Variants in TTK observed in about 807,000 individuals in gnomAD.
TTK encodes TTK protein kinase, also known as dual specificity protein kinase TTK.
A neutral mutation model predicts 117.3 loss-of-function variants in TTK; 59 were observed. The ratio of observed to expected loss-of-function variants is 0.50; its 90% confidence interval spans 0.41 to 0.62. The LOEUF (loss-of-function observed/expected upper bound fraction) is 0.62, where lower values mean the gene tolerates loss of function less well. TTK is among the 20% of genes least tolerant of loss of function. TTK has a pLI of 0.00. For synonymous variants in TTK, 302 were observed against 325.0 expected (o/e 0.93, Z 0.76); for missense variants, 921 against 989.4 (o/e 0.93, Z 0.93).
chr6:80,007,898 G>A lies in TTK; in HGVS notation c.229G>A (p.Val77Ile). 1 of 1,613,580 alleles carries A rather than the reference G, an allele frequency of 6.2e-7. No homozygotes were observed. Among genetic ancestry groups the A allele is most frequent in the Non-Finnish European group, 8.5e-7 (1 of 1,179,652 alleles). Residue 77 changes from valine to isoleucine, a missense_variant, in exon 3 of 22, where the codon GTT becomes ATT. Val to Ile is a conservative substitution (Grantham distance 29). Coordinates refer to ENST00000369798, the MANE Select transcript of TTK (RefSeq NM_003318.5). Reference protein sequence around the residue: ...SLLLKLEKNSVPLSDALLNKL... With the variant: ...SLLLKLEKNSIPLSDALLNKL... ...GTTGCTCAAACTAGAGAAAAACAGT[G>A]TTCCGCTAAGTGATGCTCTTTTAAA... is the stretch of plus-strand genomic sequence containing the variant.
chr6:80,039,993 T>C, intron 19 of TTK, 121 bp downstream of exon 19: 1 of 1,055,822 alleles, frequency 9.5e-7, no homozygotes. Context: ...GAATTAGTTT[T>C]TTTACTTTGA....
In TTK at chr6:80,013,385, A is replaced by G. The variant is rs1403318419; in HGVS notation, c.984+19A>G. 3 of 1,567,640 alleles carry G rather than the reference A, an allele frequency of 1.9e-6. No individual in the cohort carries two copies. In the South Asian group the frequency reaches 3.5e-5, roughly 18 times the overall value. ...TTTAAAGGTATTTTAATTCTATATC[A>G]TTATATAAAGCAAGGGTTCCTGATC... On this transcript the variant is annotated intron_variant, in intron 9 of 21. Coordinates refer to ENST00000369798, the MANE Select transcript of TTK (RefSeq NM_003318.5).
intron 10 of TTK, among the ~76,000 whole-genome samples, chr6:80,016,985 GTGT>G (rs569127972): frequency 1.6e-4 from 24 of 152,212 alleles, no homozygotes; most frequent in Non-Finnish European, 2.8e-4. Flanking sequence ...CAAAAAGCAA[GTGT>G]TGTCTCCAGT....
Position 80,028,030 on chromosome 6 carries a change from A to T in TTK, c.1521+19A>T, listed in dbSNP as rs200105879. 1 of 1,577,962 alleles carries T rather than the reference A, an allele frequency of 6.3e-7. No individual in the cohort carries two copies. Among genetic ancestry groups the T allele is most frequent in the Non-Finnish European group, 8.6e-7 (1 of 1,164,318 alleles). On this transcript the variant is annotated intron_variant, in intron 13 of 21. Transcript: ENST00000369798. ...TTTACAGGTTCGATAAGCTTTATAT[A>T]TGATGGTATATGTTAAGATACAGTC... is the stretch of plus-strand genomic sequence containing the variant.
In TTK at chr6:80,010,898, G is replaced by A. The variant is rs151265706; in HGVS notation, c.554G>A (p.Arg185Gln). Residue 185 changes from arginine (R) to glutamine (Q), a missense_variant, in exon 5 of 22, where the codon CGG (arginine) becomes CAG (glutamine). Arg to Gln is a conservative substitution (Grantham distance 43). Coordinates refer to ENST00000369798, the MANE Select transcript of TTK (RefSeq NM_003318.5). ...CTAGAAATGCTGGAAATTGCCCTGC[G>A]GAATTTAAACCTCCAAAAAAAGCAG... ...VPLEMLEIAL[R>Q]NLNLQKKQLL... The A allele has an allele frequency of 9.3e-6, 15 of 1,611,682 alleles. No individual in the cohort carries two copies. In the African/African-American group the frequency reaches 1.1e-4, roughly 11 times the overall value.
intron 10 of TTK, among the ~76,000 whole-genome samples, chr6:80,017,346 C>T (rs1361604708): frequency 6.6e-6 from 1 of 152,174 alleles, no homozygotes; most frequent in Non-Finnish European, 1.5e-5. Flanking sequence ...GGTGCAATCA[C>T]AGCTCATTGC....
chr6:80,004,783 AGC>A (rs1766942060), intron 1 of TTK, 70 bp downstream of exon 1: 1 of 145,426 alleles, frequency 6.9e-6, no homozygotes, highest in Non-Finnish European at 1.5e-5. Context: ...GCTCATTGTT[AGC>A]GCTGGTCGGT....
At chr6:80,008,156 G>A in intron 3 of TTK, 125 bp downstream of exon 3, 1 of 1,213,800 alleles carries the variant, frequency 8.2e-7, no homozygotes, top group Non-Finnish European at 1.1e-6. Context: ...AAATACTTTT[G>A]CTTATAGTTA....
intron 14 of TTK, among the ~76,000 whole-genome samples, chr6:80,032,291 G>A (rs1225929603): frequency 6.6e-6 from 1 of 151,866 alleles, no homozygotes; most frequent in African/African-American, 2.4e-5. Context: ...TCCGCACTTG[G>A]TTTGTGTTTT....
intron 11 of TTK, among the ~76,000 whole-genome samples, chr6:80,024,643 T>G (rs1046549307): frequency 1.3e-5 from 2 of 152,156 alleles, no homozygotes; most frequent in Admixed American, 6.6e-5. Context: ...AGTTTTCTTT[T>G]TAGAAGACGA....
intron 14 of TTK, 132 bp from the exon 15 acceptor site, chr6:80,034,853 C>T: frequency 1.4e-6 from 1 of 739,064 alleles, no homozygotes; most frequent in Non-Finnish European, 1.9e-6. Context: ...CAAAATAGGC[C>T]CAGAAACTTT....
Position 80,007,991 on chromosome 6 carries a change from AGTTTT to A in TTK, c.324_328del (p.Phe109Ter). 4.1e-4 allele frequency: 644 copies of A among 1,587,868 alleles called. No homozygotes were observed. The highest frequency in any genetic ancestry group is 5.0e-4 in the Non-Finnish European group (583 of 1,156,570). On this transcript the variant is annotated frameshift_variant, in exon 3 of 22. Coordinates refer to ENST00000369798, the MANE Select transcript of TTK (RefSeq NM_003318.5). LOFTEE classifies it high-confidence loss of function. ...CCCAGATAAATATGGCCAAAATGAGAGTTTTGCTAGAATTCAAGTGAGATTTGCTG... is the reference window on the plus strand; with the variant it reads ...CCCAGATAAATATGGCCAAAATGAGAGCTAGAATTCAAGTGAGATTTGCTG...
chr6:80,016,189 G>A (rs1318144802), intron 10 of TTK, among the ~76,000 whole-genome samples: 3 of 152,204 alleles, frequency 2.0e-5, no homozygotes, highest in East Asian at 3.9e-4. Flanking sequence ...GAATATTTTG[G>A]TGTCTTTTGA....
intron 12 of TTK, among the ~76,000 whole-genome samples, chr6:80,027,123 G>A (rs779398710): frequency 2.6e-5 from 4 of 152,128 alleles, no homozygotes; most frequent in African/African-American, 4.8e-5. Context: ...CCATCAACCG[G>A]TGGCTATATC....
chr6:80,037,677 A>G (rs1767940753), intron 17 of TTK: 3 of 167,124 alleles, frequency 1.8e-5, no homozygotes, highest in East Asian at 3.2e-4. Context: ...AAAGCACAGC[A>G]TTCTGAAAGG....
chr6:80,035,239 T>A, intron 15 of TTK, 27 bp from the exon 16 acceptor site: 1 of 1,563,768 alleles, frequency 6.4e-7, no homozygotes, highest in Non-Finnish European at 8.6e-7. Context: ...ATTTATTGTT[T>A]TGTTGCTTTT....
At chr6:80,008,300 G>A (rs1767049564) in intron 3 of TTK, 86 bp from the exon 4 acceptor site, 2 of 1,352,228 alleles carry the variant, frequency 1.5e-6, no homozygotes, top group South Asian at 2.7e-5. Flanking sequence ...AATATCCCAT[G>A]TTTTTTGGAA....
At position 80,014,514 on chromosome 6, in the gene TTK, T is replaced by A; in HGVS notation, c.1036T>A (p.Ser346Thr). The change falls in exon 10 of 22, where the codon TCT becomes ACT. Residue 346 changes from serine to threonine, a missense_variant. Ser to Thr is a moderately conservative substitution (Grantham distance 58, BLOSUM62 1). Coordinates refer to ENST00000369798, the MANE Select transcript of TTK (RefSeq NM_003318.5). ...KEPLVSDEKS[S>T]ELIITDSITL... The stretch of plus-strand genomic sequence containing the variant: ...ACCTCTGGTGTCAGATGAAAAGAGT[T>A]CTGAACTTATTATTACTGATTCAAT... 6.2e-7 allele frequency: 1 copy of A among 1,610,418 alleles called. No individual in the cohort carries two copies. The highest frequency in any genetic ancestry group is 8.5e-7 in the Non-Finnish European group (1 of 1,178,074).
At chr6:80,032,649 G>T (rs542241026) in intron 14 of TTK, among the ~76,000 whole-genome samples, 40 of 150,932 alleles carry the variant, frequency 2.7e-4, no homozygotes, top group African/African-American at 9.5e-4. Flanking sequence ...CAAAAAATTG[G>T]TGCCTCTTAC....
Sources: gnomAD v4.1 joint callset for allele counts (sites outside exome capture counted in the v4.1 genomes callset) on GRCh38, gnomAD v4.1.1 for gene constraint, MANE v1.5 for transcripts, NCBI Gene and HGNC (gene_info 2026-07-23, HGNC 2026-07-21) for gene names.